The following ARHGAP6 variants were observed in gnomAD, a reference collection of about 807,000 sequenced individuals.
The protein encoded by ARHGAP6 is Rho GTPase activating protein 6.
A neutral mutation model predicts 55.7 loss-of-function variants in ARHGAP6; 16 were observed. That is an observed-to-expected ratio of 0.29 (90% CI 0.19 to 0.44). ARHGAP6 has a LOEUF of 0.44. Among genes scored for constraint, ARHGAP6 ranks in the 20% least tolerant of loss-of-function variants. The probability of loss-of-function intolerance (pLI) is 1.00; values close to 1 mark genes in which losing one functional copy is unlikely to be tolerated. For missense variants in ARHGAP6, 698 were observed against 808.9 expected (o/e 0.86, Z 1.66); for synonymous variants, 382 against 360.9 (o/e 1.06, Z -0.66).
At chrX:11,411,246 T>C (rs1293374297) in intron 1 of ARHGAP6, among the ~76,000 whole-genome samples, 8 of 79,437 alleles carry the variant, frequency 1.0e-4, no homozygotes, top group African/African-American at 3.8e-4. Flanking sequence ...ATATATGAAA[T>C]ATATAAACAT....
intron 1 of ARHGAP6, among the ~76,000 whole-genome samples, chrX:11,579,084 C>T (rs984031328): frequency 3.6e-5 from 4 of 109,762 alleles, no homozygotes; most frequent in Admixed American, 9.7e-5. Context: ...AAATACCTAA[C>T]GTACATGACG....
At chrX:11,571,105 C>A (rs1332063608) in intron 1 of ARHGAP6, among the ~76,000 whole-genome samples, 3 of 111,926 alleles carry the variant, frequency 2.7e-5, no homozygotes, top group Non-Finnish European at 5.6e-5. Flanking sequence ...GACTTCCCAG[C>A]CTCTAGAACA....
In ARHGAP6 at chrX:11,417,378, C is replaced by T. The variant is rs1373893694; in HGVS notation, c.589-162671G>A. 4.6e-5 allele frequency among the ~76,000 whole-genome samples: 5 copies of T among 108,144 alleles called. No individual in the cohort carries two copies. In the Admixed American group the frequency reaches 5.0e-4, roughly 11 times the overall value. The allele number at this position is 108,144 out of a possible 115,157, so 93.9% of individuals were successfully genotyped here. On this transcript the variant is annotated intron_variant, in intron 1 of 12. Coordinates refer to ENST00000337414, the MANE Select transcript of ARHGAP6 (RefSeq NM_013427.3). ...ACAAAGGGGTAGCATGGGGGGAGTG[C>T]TTTTGCGGTGATGGACCAGCTGTGT...
At chrX:11,243,823 G>T (rs1444165040) in intron 2 of ARHGAP6, among the ~76,000 whole-genome samples, 2 of 111,961 alleles carry the variant, frequency 1.8e-5, no homozygotes, top group Non-Finnish European at 3.8e-5. Flanking sequence ...ACCTACCATT[G>T]CATTCCAATT....
chrX:11,193,671 T>C (rs1022892652), intron 3 of ARHGAP6, among the ~76,000 whole-genome samples: 9 of 112,666 alleles, frequency 8.0e-5, no homozygotes, highest in Admixed American at 4.7e-4. Context: ...CTGCCTTCCT[T>C]TTCCCACTTA....
chrX:11,613,128 G>A (rs928560274), intron 1 of ARHGAP6, among the ~76,000 whole-genome samples: 1 of 112,133 alleles, frequency 8.9e-6, no homozygotes, highest in Non-Finnish European at 1.9e-5. Flanking sequence ...CTATTCCAAA[G>A]GTTGGCCCAT....
intron 1 of ARHGAP6, among the ~76,000 whole-genome samples, chrX:11,355,942 A>C (rs5935026): frequency 9.0e-6 from 1 of 111,181 alleles, no homozygotes; most frequent in Non-Finnish European, 1.9e-5. Flanking sequence ...AAACTTTGGA[A>C]TTTTACTCAA....
chrX:11,543,805 A>T (rs750275850), intron 1 of ARHGAP6, among the ~76,000 whole-genome samples: 2 of 112,238 alleles, frequency 1.8e-5, no homozygotes, highest in Non-Finnish European at 3.8e-5. Context: ...ACAACTGCAA[A>T]TGTGTATGTA....
At chrX:11,322,548 C>T (rs375120819) in intron 1 of ARHGAP6, among the ~76,000 whole-genome samples, 11 of 111,269 alleles carry the variant, frequency 9.9e-5, no homozygotes, top group Non-Finnish European at 2.1e-4. Context: ...TTAGTAGAGA[C>T]GGGGTTTCAC....
chrX:11,570,059 G>T (rs927865516), intron 1 of ARHGAP6, among the ~76,000 whole-genome samples: 21 of 112,048 alleles, frequency 1.9e-4, no homozygotes, highest in Non-Finnish European at 1.5e-4. Context: ...AGAATAATGG[G>T]TCTTGGATCA....
rs759438932 is a variant in ARHGAP6 at position 11,491,496 on chromosome X, G to A, written c.588+172745C>T. ...TTTTCTTCTTGCGATAGTTTACTGAGAATGATGATTTCCAATTTCATCCAT... is the reference window on the plus strand; with the variant it reads ...TTTTCTTCTTGCGATAGTTTACTGAAAATGATGATTTCCAATTTCATCCAT... On this transcript the variant is annotated intron_variant, in intron 1 of 12. Coordinates refer to ENST00000337414, the MANE Select transcript of ARHGAP6 (RefSeq NM_013427.3). 3.8e-3 allele frequency among the ~76,000 whole-genome samples: 427 copies of A among 111,050 alleles called. 1 individual carries two copies. The highest frequency in any genetic ancestry group is 0.011 in the South Asian group (29 of 2,586).
At chrX:11,546,418 A>G (rs947060265) in intron 1 of ARHGAP6, among the ~76,000 whole-genome samples, 19 of 111,836 alleles carry the variant, frequency 1.7e-4, no homozygotes, top group African/African-American at 5.8e-4. Context: ...CTAAACTCAC[A>G]TATCTTCTTT....
At chrX:11,511,218 G>T (rs767044158) in intron 1 of ARHGAP6, among the ~76,000 whole-genome samples, 1 of 112,185 alleles carries the variant, frequency 8.9e-6, no homozygotes, top group South Asian at 3.7e-4. Flanking sequence ...CATATTGCCA[G>T]GGATTCTTGA....
intron 5 of ARHGAP6, among the ~76,000 whole-genome samples, chrX:11,182,983 C>T (rs1387123194): frequency 1.8e-5 from 2 of 111,642 alleles, no homozygotes; most frequent in African/African-American, 3.3e-5. Flanking sequence ...GTTGAGATCA[C>T]ACTGCATATA....
chrX:11,145,737 C>T (rs767589893), intron 10 of ARHGAP6, among the ~76,000 whole-genome samples: 3 of 112,264 alleles, frequency 2.7e-5, no homozygotes, highest in East Asian at 5.6e-4. Flanking sequence ...TGTGATGCCC[C>T]GTGTTTAAAA....
At chrX:11,648,567 C>T (rs754819850) in intron 1 of ARHGAP6, among the ~76,000 whole-genome samples, 16 of 111,892 alleles carry the variant, frequency 1.4e-4, no homozygotes, top group African/African-American at 3.2e-4. Context: ...CATTTGAGAA[C>T]GAATTAAAGT....
At chrX:11,476,779 A>T (rs1007159236) in intron 1 of ARHGAP6, among the ~76,000 whole-genome samples, 1 of 111,609 alleles carries the variant, frequency 9.0e-6, no homozygotes, top group African/African-American at 3.2e-5. Context: ...TTCTTAAAAA[A>T]TTAAACTGTC....
chrX:11,567,566 A>ATATATATATATATATAT (rs1556078451), intron 1 of ARHGAP6, among the ~76,000 whole-genome samples: 1 of 84,403 alleles, frequency 1.2e-5, no homozygotes, highest in African/African-American at 4.7e-5. Flanking sequence ...AAAAAAAAAA[A>ATATATATATATATATAT]ATATATATAT....
intron 9 of ARHGAP6, among the ~76,000 whole-genome samples, chrX:11,157,986 G>A (rs182293868): frequency 1.2e-3 from 130 of 111,896 alleles, no homozygotes; most frequent in African/African-American, 4.2e-3. Context: ...CTTCATCTCT[G>A]TTACTTCTTT....
Sources: allele counts gnomAD v4.1 joint callset (sites outside exome capture counted in the v4.1 genomes callset), GRCh38; gene constraint gnomAD v4.1.1; transcripts MANE v1.5; gene names NCBI Gene and HGNC (gene_info 2026-07-23, HGNC 2026-07-21).